The following HEATR4 variants were observed in gnomAD, a reference collection of about 807,000 sequenced individuals.
HEATR4 encodes HEAT repeat-containing protein 4.
HEATR4 carries 95 observed loss-of-function variants against 108.8 expected under a neutral mutation model. The ratio of observed to expected loss-of-function variants is 0.87; its 90% confidence interval spans 0.74 to 1.04. The LOEUF is 1.04. Ranked by LOEUF, HEATR4 falls within the 50% of genes least tolerant of loss-of-function variation. The probability of loss-of-function intolerance (pLI) is 0.00; values close to 1 mark genes in which losing one functional copy is unlikely to be tolerated. For missense variants in HEATR4, 1,152 were observed against 1,253.8 expected, an observed-to-expected ratio of 0.92 and a Z score of 1.23; for synonymous variants, 443 against 459.4, an observed-to-expected ratio of 0.96 and a Z score of 0.46.
At chr14:73,592,057 C>T in the HEATR4 span, 2 of 1,478,740 alleles carry the variant, frequency 1.4e-6, no homozygotes, top group South Asian at 1.3e-5. Context: ...CAGCGGGTTA[C>T]GCTGCGCGCG....
the HEATR4 span, among the ~76,000 whole-genome samples, chr14:73,584,355 C>T: frequency 5.3e-5 from 8 of 151,896 alleles, no homozygotes; most frequent in African/African-American, 1.5e-4. Context: ...TGCCTTATGC[C>T]CCTCAGTCAA....
intron 14 of HEATR4, among the ~76,000 whole-genome samples, chr14:73,497,877 C>G (rs892559510): frequency 9.2e-5 from 14 of 152,200 alleles, no homozygotes; most frequent in African/African-American, 3.1e-4. Context: ...CCTCCTGCCT[C>G]AGCCTCCCAA....
chr14:73,572,567 T>G, the HEATR4 span, among the ~76,000 whole-genome samples: 5 of 149,060 alleles, frequency 3.4e-5, no homozygotes, highest in East Asian at 2.0e-4. Context: ...CACAGGGGTC[T>G]GTGGGACGTT....
At chr14:73,583,348 CAAAAA>C in the HEATR4 span, among the ~76,000 whole-genome samples, 1 of 129,100 alleles carries the variant, frequency 7.7e-6, no homozygotes, top group Non-Finnish European at 1.7e-5. Flanking sequence ...GACTCCGTCT[CAAAAA>C]AAAAAAAAAA....
At chr14:73,507,207 C>T (rs1886913342) in intron 9 of HEATR4, among the ~76,000 whole-genome samples, 2 of 152,174 alleles carry the variant, frequency 1.3e-5, no homozygotes, top group African/African-American at 4.8e-5. Context: ...TAGGCCTCTG[C>T]AGTTTTCAAT....
the HEATR4 span, among the ~76,000 whole-genome samples, chr14:73,576,927 C>A: frequency 1.6e-5 from 2 of 121,672 alleles, no homozygotes; most frequent in South Asian, 5.8e-4. Flanking sequence ...TTATTCTTTT[C>A]TTTTCTTTTT....
At chr14:73,518,434 G>A (rs1046243863) in intron 5 of HEATR4, among the ~76,000 whole-genome samples, 8 of 152,102 alleles carry the variant, frequency 5.3e-5, no homozygotes, top group Non-Finnish European at 1.2e-4. Context: ...AAAGGAATGG[G>A]TGACAACTGC....
the HEATR4 span, among the ~76,000 whole-genome samples, chr14:73,612,242 G>C: frequency 1.1e-4 from 17 of 152,238 alleles, no homozygotes; most frequent in South Asian, 1.5e-3. Flanking sequence ...GTTTCACTCT[G>C]TTGGTCAGGC....
the HEATR4 span, among the ~76,000 whole-genome samples, chr14:73,593,522 T>C: frequency 1.3e-5 from 2 of 150,992 alleles, no homozygotes; most frequent in Non-Finnish European, 3.0e-5. Flanking sequence ...AAAAAAAAGA[T>C]TGTAGAGATG....
chr14:73,508,253 G>C lies in HEATR4; in HGVS notation c.1762C>G (p.Leu588Val). 1 of 1,614,004 alleles carries C rather than the reference G, an allele frequency of 6.2e-7. No individual in the cohort carries two copies. The highest frequency in any genetic ancestry group is 1.1e-5 in the South Asian group (1 of 91,068). The change falls in exon 9 of 18, where the codon CTG becomes GTG. Residue 588 changes from leucine (L) to valine (V), a missense_variant. Physicochemically the swap from Leu to Val is conservative, Grantham distance 32 (BLOSUM62 1). Coordinates refer to ENST00000553558, the MANE Select transcript of HEATR4 (RefSeq NM_001220484.1). The part of the protein sequence containing the change: ...DSWAAAQCLA[L>V]EGTATYPVIK... ...ACAGGGTAAGTAGCAGTACCTTCCA[G>C]AGCCAAGCACTGAGCTGCAGCCCAG...
the HEATR4 span, among the ~76,000 whole-genome samples, chr14:73,609,648 ATTTTAT>A: frequency 1.3e-5 from 2 of 151,804 alleles, no homozygotes; most frequent in Non-Finnish European, 2.9e-5. Flanking sequence ...ATTTTATTTT[ATTTTAT>A]TTTTGAGACA....
the HEATR4 span, among the ~76,000 whole-genome samples, chr14:73,579,448 G>A: frequency 9.3e-5 from 14 of 150,992 alleles, 1 homozygote; most frequent in African/African-American, 1.5e-4. Flanking sequence ...GGTGCTGGGC[G>A]CCTGTAATCC....
the HEATR4 span, among the ~76,000 whole-genome samples, chr14:73,615,237 A>C: frequency 6.8e-6 from 1 of 146,058 alleles, no homozygotes; most frequent in Non-Finnish European, 1.5e-5. Flanking sequence ...AATACAAAAA[A>C]TTAGCCGGGC....
At chr14:73,487,805 G>GATGGAATGTGAA (rs1239088202) in intron 17 of HEATR4, among the ~76,000 whole-genome samples, 3 of 152,180 alleles carry the variant, frequency 2.0e-5, no homozygotes, top group Admixed American at 6.6e-5. Flanking sequence ...TTGGAGAGGA[G>GATGGAATGTGAA]ATGGAATGTG....
intron 1 of HEATR4, among the ~76,000 whole-genome samples, chr14:73,555,661 A>G (rs1383627796): frequency 8.7e-6 from 1 of 115,544 alleles, no homozygotes; most frequent in Non-Finnish European, 1.9e-5. Flanking sequence ...GATCCTAAAC[A>G]GTTGAAAAAT....
Position 73,527,776 on chromosome 14 carries a change from G to A in HEATR4, c.-73+2390C>T, listed in dbSNP as rs145971726. ...GTGGATCACCTGAGATCAGGGGTTC[G>A]AGACCAGCCCGGCCAACATGGCGAA... On this transcript the variant is annotated intron_variant, in intron 2 of 17. Coordinates refer to ENST00000553558, the MANE Select transcript of HEATR4 (RefSeq NM_001220484.1). Among the ~76,000 whole-genome samples the A allele has an allele frequency of 9.4e-3, 1,431 of 151,770 alleles. 29 individuals are homozygous for A. Among genetic ancestry groups the A allele is most frequent in the African/African-American group, 0.033 (1,346 of 41,346 alleles).
chr14:73,504,323 A>G (rs971551518), intron 10 of HEATR4, among the ~76,000 whole-genome samples: 1 of 151,150 alleles, frequency 6.6e-6, no homozygotes, highest in Admixed American at 6.6e-5. Context: ...ACTCACTGCA[A>G]CCTCCACCTC....
chr14:73,588,805 A>G, the HEATR4 span, among the ~76,000 whole-genome samples: 1 of 151,580 alleles, frequency 6.6e-6, no homozygotes, highest in Non-Finnish European at 1.5e-5. Flanking sequence ...GTTTAATTTA[A>G]TTAAAAAGTT....
the HEATR4 span, among the ~76,000 whole-genome samples, chr14:73,627,181 A>G: frequency 6.6e-6 from 1 of 151,676 alleles, no homozygotes; most frequent in African/African-American, 2.4e-5. Flanking sequence ...TTTCATAGTT[A>G]GTAAGGAGAA....
Sources: gnomAD v4.1 joint callset for allele counts (sites outside exome capture counted in the v4.1 genomes callset) on GRCh38, gnomAD v4.1.1 for gene constraint, MANE v1.5 for transcripts, NCBI Gene and HGNC (gene_info 2026-07-23, HGNC 2026-07-21) for gene names.